The following PARN variants were observed in gnomAD, a reference collection of about 807,000 sequenced individuals.
PARN encodes poly(A)-specific ribonuclease.
PARN carries 71 observed loss-of-function variants against 102.8 expected under a neutral mutation model. The ratio of observed to expected loss-of-function variants is 0.69; its 90% CI spans 0.57 to 0.84. The LOEUF (loss-of-function observed/expected upper bound fraction) is 0.84, where lower values mean the gene tolerates loss of function less well. Among genes scored for constraint, PARN ranks in the 40% least tolerant of loss-of-function variants. PARN has a pLI of 0.00. For missense variants in PARN, 782 were observed against 760.9 expected, an observed-to-expected ratio of 1.03 and a Z score of -0.33; for synonymous variants, 261 against 252.9, an observed-to-expected ratio of 1.03 and a Z score of -0.30.
At chr16:14,537,224 A>G (rs1237501252) in intron 21 of PARN, among the ~76,000 whole-genome samples, 1 of 152,212 alleles carries the variant, frequency 6.6e-6, no homozygotes, top group Non-Finnish European at 1.5e-5. Flanking sequence ...AATGTGAATC[A>G]AAACAACAGT....
At position 14,629,500 on chromosome 16, in the gene PARN, G is replaced by T. The variant is rs540374748; in HGVS notation, c.97+97C>A. On this transcript the variant is annotated intron_variant, in intron 2 of 23. Coordinates refer to ENST00000437198, the MANE Select transcript of PARN (RefSeq NM_002582.4). ...CCGCCCAAGGCTACTAACAGCAAGA[G>T]GCCACCACCAAGCATAAGAAGTTGG... The T allele has an allele frequency of 8.2e-5, 72 of 882,204 alleles. 1 individual carries two copies. Among genetic ancestry groups the T allele is most frequent in the Non-Finnish European group, 1.3e-4 (68 of 524,188 alleles). 54.6% of individuals were successfully genotyped at this position (882,204 alleles called of 1,614,324 possible). A position where few individuals can be genotyped will look rare whatever the true frequency, so the allele number is the denominator to read the frequency against.
At chr16:14,535,181 G>A (rs1966559105) in intron 21 of PARN, among the ~76,000 whole-genome samples, 1 of 152,146 alleles carries the variant, frequency 6.6e-6, no homozygotes, top group Non-Finnish European at 1.5e-5. Flanking sequence ...CTTATCACCT[G>A]AAAGTACTCA....
chr16:14,486,699 A>C (rs1963719861), intron 21 of PARN, among the ~76,000 whole-genome samples: 1 of 152,198 alleles, frequency 6.6e-6, no homozygotes, highest in Admixed American at 6.5e-5. Flanking sequence ...GCAGCTTTGC[A>C]GCTCTCGGCC....
rs144445976 is a variant in PARN, at chr16:14,554,695, C to T, written c.1319-544G>A. ...CTGGCCTCAAGTGATCCTCCCACCT[C>T]GGTCTCCAAAAGTGCTGGAATTACA... On this transcript the variant is annotated intron_variant, in intron 19 of 23. Coordinates refer to ENST00000437198, the MANE Select transcript of PARN (RefSeq NM_002582.4). 2.3e-3 allele frequency among the ~76,000 whole-genome samples: 352 copies of T among 151,914 alleles called. 4 individuals carry two copies. The East Asian group carries it at 0.033, about 14-fold the overall frequency.
At chr16:14,446,464 A>G (rs1244896615) in intron 23 of PARN, among the ~76,000 whole-genome samples, 1 of 152,212 alleles carries the variant, frequency 6.6e-6, no homozygotes, top group African/African-American at 2.4e-5. Flanking sequence ...TTTGCTTCTT[A>G]TATAATTCTG....
At chr16:14,553,398 T>TA (rs1330459874) in intron 20 of PARN, among the ~76,000 whole-genome samples, 1 of 152,238 alleles carries the variant, frequency 6.6e-6, no homozygotes, top group Non-Finnish European at 1.5e-5. Flanking sequence ...AAATATTTTT[T>TA]AAATGGCTAC....
intron 13 of PARN, among the ~76,000 whole-genome samples, chr16:14,590,216 CAG>C (rs1156662194): frequency 3.3e-4 from 34 of 104,296 alleles, no homozygotes; most frequent in African/African-American, 1.2e-3. Context: ...GCCTAGGTGA[CAG>C]AGTGAGACTC....
intron 18 of PARN, among the ~76,000 whole-genome samples, chr16:14,578,331 C>CAAAAA (rs1199897215): frequency 1.1e-4 from 5 of 44,950 alleles, no homozygotes; most frequent in Admixed American, 5.5e-4. Context: ...TCTGTCTCAC[C>CAAAAA]AAAAAAAAAA....
intron 18 of PARN, among the ~76,000 whole-genome samples, chr16:14,579,210 T>C (rs1295024274): frequency 6.6e-6 from 1 of 152,202 alleles, no homozygotes; most frequent in Non-Finnish European, 1.5e-5. Flanking sequence ...TCGAGTGATC[T>C]GCCCGCCTTG....
chr16:14,502,061 T>C (rs755533283), intron 21 of PARN, among the ~76,000 whole-genome samples: 4 of 152,160 alleles, frequency 2.6e-5, no homozygotes, highest in Non-Finnish European at 5.9e-5. Context: ...ATGGAATGAG[T>C]GTGTACACTC....
At chr16:14,538,571 G>GT (rs1405841162) in intron 21 of PARN, among the ~76,000 whole-genome samples, 2 of 152,104 alleles carry the variant, frequency 1.3e-5, no homozygotes. Context: ...TTTGAAGGGG[G>GT]TGAGAGAGCA....
chr16:14,627,913 G>A (rs1024472477), intron 3 of PARN, among the ~76,000 whole-genome samples: 4 of 152,194 alleles, frequency 2.6e-5, no homozygotes, highest in African/African-American at 7.2e-5. Flanking sequence ...GGAGGCTGTG[G>A]CAGGAGAATC....
chr16:14,621,090 G>A (rs1972267061), intron 5 of PARN, among the ~76,000 whole-genome samples: 1 of 151,998 alleles, frequency 6.6e-6, no homozygotes, highest in Non-Finnish European at 1.5e-5. Flanking sequence ...TCGTGTCCAG[G>A]CTTTTATACT....
At chr16:14,506,400 A>G (rs1189713177) in intron 21 of PARN, among the ~76,000 whole-genome samples, 2 of 152,210 alleles carry the variant, frequency 1.3e-5, no homozygotes, top group Non-Finnish European at 2.9e-5. Context: ...TGATTACAGC[A>G]TGGACATTAG....
At chr16:14,479,216 C>T (rs1428762684) in intron 22 of PARN, among the ~76,000 whole-genome samples, 2 of 152,026 alleles carry the variant, frequency 1.3e-5, no homozygotes, top group Non-Finnish European at 2.9e-5. Flanking sequence ...CCCAGGAGTT[C>T]GAGACCAGCT....
chr16:14,479,066 G>A lies in PARN; in HGVS notation c.1670+3572C>T, dbSNP rs542718431. On this transcript the variant is annotated intron_variant, in intron 22 of 23. Transcript: ENST00000437198. ...ATTATAGGCGGGAGCCACTATGCCCGGCAACAATGAATTGTATTTCTATAC... is the reference window on the plus strand; with the variant it reads ...ATTATAGGCGGGAGCCACTATGCCCAGCAACAATGAATTGTATTTCTATAC... 3.4e-4 allele frequency among the ~76,000 whole-genome samples: 52 copies of A among 152,208 alleles called. No homozygotes were observed. The South Asian group carries it at 9.1e-3, about 27-fold the overall frequency.
At chr16:14,630,044 C>G in intron 1 of PARN, 63 bp downstream of exon 1, 2 of 1,446,484 alleles carry the variant, frequency 1.4e-6, no homozygotes, top group Non-Finnish European at 9.5e-7. Context: ...GCCATGGTCT[C>G]GGCCTAGCAG....
chr16:14,588,431 G>A (rs1424815276), intron 13 of PARN, among the ~76,000 whole-genome samples: 1 of 152,184 alleles, frequency 6.6e-6, no homozygotes, highest in Non-Finnish European at 1.5e-5. Flanking sequence ...CCATACATCA[G>A]AAGATTACAA....
chr16:14,505,770 T>A (rs999768422), intron 21 of PARN, among the ~76,000 whole-genome samples: 1 of 152,176 alleles, frequency 6.6e-6, no homozygotes, highest in Admixed American at 6.5e-5. Flanking sequence ...CAATTAAACT[T>A]CTGAAAATAA....
Sources: gnomAD v4.1 joint callset for allele counts (sites outside exome capture counted in the v4.1 genomes callset) on GRCh38, gnomAD v4.1.1 for gene constraint, MANE v1.5 for transcripts, NCBI Gene and HGNC (gene_info 2026-07-23, HGNC 2026-07-21) for gene names.